Variants in ANKRD22 observed in about 807,000 individuals in gnomAD.
ANKRD22 encodes ankyrin repeat domain 22.
ANKRD22 carries 24 observed loss-of-function variants against 25.7 expected under a neutral mutation model. The observed-to-expected ratio is 0.93, with a 90% confidence interval of 0.68 to 1.31. The LOEUF (loss-of-function observed/expected upper bound fraction) is 1.31, where lower values mean the gene tolerates loss of function less well. Ranked by LOEUF, ANKRD22 falls within the 50% of genes most tolerant of loss-of-function variation. ANKRD22 has a pLI of 0.00. For missense variants in ANKRD22, 214 were observed against 227.1 expected (o/e 0.94, Z 0.37); for synonymous variants, 84 against 84.3 (o/e 1.00, Z 0.02).
chr10:88,845,093 A>G (rs1689796538), intron 1 of ANKRD22, among the ~76,000 whole-genome samples: 1 of 151,792 alleles, frequency 6.6e-6, no homozygotes, highest in African/African-American at 2.4e-5. Context: ...ACTTCTCCTC[A>G]CCACTTTTGG....
chr10:88,827,843 A>C (rs1171174508), intron 3 of ANKRD22, among the ~76,000 whole-genome samples: 1 of 152,240 alleles, frequency 6.6e-6, no homozygotes, highest in African/African-American at 2.4e-5. Flanking sequence ...TAAATTATGC[A>C]TCTCTTGAGT....
At chr10:88,824,033 C>T (rs1273032948) in intron 4 of ANKRD22, among the ~76,000 whole-genome samples, 1 of 152,146 alleles carries the variant, frequency 6.6e-6, no homozygotes, top group Non-Finnish European at 1.5e-5. Flanking sequence ...ACCATCTTTC[C>T]CTTAAAGAGT....
At chr10:88,826,218 C>T (rs1305808271) in intron 3 of ANKRD22, 103 bp from the exon 4 acceptor site, 5 of 921,080 alleles carry the variant, frequency 5.4e-6, no homozygotes, top group African/African-American at 3.3e-5. Flanking sequence ...TCCCAACACT[C>T]CTATGCATGC....
intron 1 of ANKRD22, among the ~76,000 whole-genome samples, chr10:88,832,901 G>T (rs1243093126): frequency 3.6e-4 from 55 of 152,078 alleles, no homozygotes; most frequent in Non-Finnish European, 8.8e-5. Flanking sequence ...CTGGGCTTCT[G>T]CCCTGAATAC....
At chr10:88,826,224 C>A in intron 3 of ANKRD22, 109 bp from the exon 4 acceptor site, 1 of 817,820 alleles carries the variant, frequency 1.2e-6, no homozygotes, top group Non-Finnish European at 1.9e-6. Flanking sequence ...CACTCCTATG[C>A]ATGCATGCAC....
rs1297619471 is a variant in ANKRD22 at position 88,822,748 on chromosome 10, G to A, written c.*193C>T. On this transcript the variant is annotated 3_prime_UTR_variant, in exon 6 of 6. Transcript: ENST00000371930. ...TTAGTGTTTCCCTTAGAAGGATTAC[G>A]GCCATGGTGAACTTGACTGAGTAAA... 8.9e-6 allele frequency: 5 copies of A among 560,832 alleles called. No individual in the cohort carries two copies. The highest frequency in any genetic ancestry group is 1.3e-5 in the Non-Finnish European group (4 of 315,516). The allele number at this position is 560,832 out of a possible 1,614,324, so 34.7% of individuals were successfully genotyped here.
intron 1 of ANKRD22, among the ~76,000 whole-genome samples, chr10:88,842,727 G>A (rs1844013611): frequency 6.6e-6 from 1 of 152,050 alleles, no homozygotes; most frequent in South Asian, 2.1e-4. Flanking sequence ...TGGATTAGAG[G>A]ACTAGCATGT....
intron 4 of ANKRD22, among the ~76,000 whole-genome samples, chr10:88,825,089 G>A (rs1843843842): frequency 6.7e-6 from 1 of 148,442 alleles, no homozygotes; most frequent in African/African-American, 2.5e-5. Flanking sequence ...AAACCGAAAT[G>A]ATGTAAATAA....
chr10:88,825,833 A>C (rs867162760), intron 4 of ANKRD22, among the ~76,000 whole-genome samples: 49 of 152,224 alleles, frequency 3.2e-4, no homozygotes, highest in Non-Finnish European at 1.6e-4. Context: ...AATGCTTTAT[A>C]ATCAATAGAG....
rs780883311 is a variant in ANKRD22 at position 88,820,532 on chromosome 10, C to G, written c.*2409G>C. 107 of 1,537,580 alleles carry G rather than the reference C, an allele frequency of 7.0e-5. 2 individuals carry two copies. The African/African-American group carries it at 1.4e-3, about 20-fold the overall frequency. On this transcript the variant is annotated 3_prime_UTR_variant, in exon 6 of 6. Coordinates refer to ENST00000371930, the MANE Select transcript of ANKRD22 (RefSeq NM_144590.3). Reference sequence around the variant, plus strand: ...CTGACACTGACGATCTTAGGACAACCTCCTGAGGGATGGGGCTAGGACCCA... The same window carrying G: ...CTGACACTGACGATCTTAGGACAACGTCCTGAGGGATGGGGCTAGGACCCA...
chr10:88,848,965 T>C (rs1004896120), intron 1 of ANKRD22, among the ~76,000 whole-genome samples: 17 of 152,006 alleles, frequency 1.1e-4, no homozygotes, highest in Admixed American at 4.6e-4. Flanking sequence ...AACATATCCA[T>C]TGCCAAAGGA....
Position 88,849,928 on chromosome 10 carries a change from C to T in ANKRD22, c.21+1659G>A, listed in dbSNP as rs1430005002. On this transcript the variant is annotated intron_variant, in intron 1 of 5. Transcript: ENST00000371930. ...AAAATATATATTGCATAACTATTAG[C>T]ACTGCAAAGCTCTAAGGAAAAATGA... Among the ~76,000 whole-genome samples the T allele has an allele frequency of 3.3e-5, 5 of 151,952 alleles. No homozygotes were observed. The East Asian group carries it at 9.7e-4, about 29-fold the overall frequency.
chr10:88,840,206 T>G (rs952382872), intron 1 of ANKRD22, among the ~76,000 whole-genome samples: 1 of 152,174 alleles, frequency 6.6e-6, no homozygotes, highest in Non-Finnish European at 1.5e-5. Flanking sequence ...TTCACTTCCA[T>G]CTTACTTGCC....
intron 4 of ANKRD22, among the ~76,000 whole-genome samples, chr10:88,825,008 C>G (rs560856543): frequency 5.2e-4 from 36 of 69,870 alleles, no homozygotes; most frequent in African/African-American, 6.6e-4. Context: ...CTCTCTCTCT[C>G]TCTCACACAC....
intron 1 of ANKRD22, among the ~76,000 whole-genome samples, chr10:88,844,840 A>G (rs937111409): frequency 3.9e-5 from 6 of 152,174 alleles, no homozygotes; most frequent in Non-Finnish European, 5.9e-5. Flanking sequence ...AGGCATATAC[A>G]AATAAAATGA....
chr10:88,845,376 C>T (rs111532978), intron 1 of ANKRD22, among the ~76,000 whole-genome samples: 230 of 152,180 alleles, frequency 1.5e-3, no homozygotes, highest in African/African-American at 5.1e-3. Flanking sequence ...CTTCTCTTGG[C>T]GTTAAATACC....
At chr10:88,845,823 C>T (rs867441330) in intron 1 of ANKRD22, among the ~76,000 whole-genome samples, 1 of 152,048 alleles carries the variant, frequency 6.6e-6, no homozygotes, top group African/African-American at 2.4e-5. Context: ...CTTTTTAAAC[C>T]CTAATGGTCA....
chr10:88,834,840 G>A (rs1435101307), intron 1 of ANKRD22, among the ~76,000 whole-genome samples: 1 of 152,196 alleles, frequency 6.6e-6, no homozygotes, highest in Non-Finnish European at 1.5e-5. Flanking sequence ...CTACTCTGGA[G>A]GCTGAGACAG....
rs571700883 is a variant in ANKRD22 at position 88,831,923 on chromosome 10, G to T, written c.125C>A (p.Thr42Lys). 1.2e-6 allele frequency: 2 copies of T among 1,613,942 alleles called. No individual in the cohort carries two copies. Among genetic ancestry groups the T allele is most frequent in the South Asian group, 2.2e-5 (2 of 91,072 alleles). The change falls in exon 2 of 6, where the codon ACG (threonine) becomes AAG (lysine). Residue 42 changes from threonine (T) to lysine (K), a missense_variant. Coordinates refer to ENST00000371930, the MANE Select transcript of ANKRD22 (RefSeq NM_144590.3). ...TCGCCTGCAAGCACAGATCAGGGGCGTGTCTCCATTAAAGCCATCTTGAAC... is the reference window on the plus strand; with the variant it reads ...TCGCCTGCAAGCACAGATCAGGGGCTTGTCTCCATTAAAGCCATCTTGAAC... ...ANVQDGFNGD[T>K]PLICACRRGH... is the part of the protein sequence containing the mutation.
Sources: allele counts gnomAD v4.1 joint callset (sites outside exome capture counted in the v4.1 genomes callset), GRCh38; gene constraint gnomAD v4.1.1; transcripts MANE v1.5; gene names NCBI Gene and HGNC (gene_info 2026-07-23, HGNC 2026-07-21).